The following ST7 variants were observed in gnomAD, a reference collection of about 807,000 sequenced individuals.
The protein encoded by ST7 is suppression of tumorigenicity 7, also known as suppressor of tumorigenicity 7 protein.
Under a neutral mutation model 78.7 loss-of-function variants are expected in ST7, and 28 were observed. The ratio of observed to expected loss-of-function variants is 0.36; its 90% CI spans 0.26 to 0.49. ST7 has a LOEUF of 0.49. Among genes scored for constraint, ST7 ranks in the 20% least tolerant of loss-of-function variants. The pLI is 0.99. For synonymous variants in ST7, 247 were observed against 249.6 expected, an observed-to-expected ratio of 0.99 and a Z score of 0.10; for missense variants, 418 against 696.0, an observed-to-expected ratio of 0.60 and a Z score of 4.49.
chr7:117,130,796 G>T, intron 5 of ST7, 190 bp downstream of exon 5: 1 of 457,542 alleles, frequency 2.2e-6, no homozygotes, highest in Non-Finnish European at 3.8e-6. Flanking sequence ...ATGTTGAAAT[G>T]AGTCCCCTCA....
intron 7 of ST7, 116 bp from the exon 8 acceptor site, chr7:117,135,965 C>A: frequency 9.6e-7 from 1 of 1,039,688 alleles, no homozygotes; most frequent in Non-Finnish European, 1.4e-6. Flanking sequence ...GTGCATGAAC[C>A]AGTTGGCCAC....
intron 9 of ST7, among the ~76,000 whole-genome samples, chr7:117,152,095 G>A (rs1806290308): frequency 6.9e-6 from 1 of 144,190 alleles, no homozygotes; most frequent in African/African-American, 2.6e-5. Context: ...CTCCAGCCTG[G>A]GTGACAGAGT....
chr7:116,964,799 A>G lies in ST7; in HGVS notation c.151+11108A>G, dbSNP rs951125245. Among the ~76,000 whole-genome samples the G allele has an allele frequency of 5.9e-5, 9 of 152,326 alleles. No homozygotes were observed. In the South Asian group the frequency reaches 1.0e-3, roughly 18 times the overall value. Reference sequence around the variant, plus strand: ...TGAAATATTAGAAATTTGCTGCCCAATCGTTCTTTCCCCAAACTGGAAGTT... The same window carrying G: ...TGAAATATTAGAAATTTGCTGCCCAGTCGTTCTTTCCCCAAACTGGAAGTT... On this transcript the variant is annotated intron_variant, in intron 1 of 15. Coordinates refer to ENST00000323984, the MANE Select transcript of ST7 (RefSeq NM_001369598.1).
At chr7:117,182,993 T>C (rs1471021080) in intron 10 of ST7, among the ~76,000 whole-genome samples, 1 of 152,136 alleles carries the variant, frequency 6.6e-6, no homozygotes, top group African/African-American at 2.4e-5. Flanking sequence ...AGATAAGGAT[T>C]TGTGGAGAGA....
At chr7:117,194,547 T>C (rs770540758) in intron 12 of ST7, among the ~76,000 whole-genome samples, 2 of 152,210 alleles carry the variant, frequency 1.3e-5, no homozygotes, top group Non-Finnish European at 2.9e-5. Flanking sequence ...TTAATGATGC[T>C]GGTGATTTTC....
chr7:117,029,058 G>A (rs1796342539), intron 1 of ST7, among the ~76,000 whole-genome samples: 1 of 152,042 alleles, frequency 6.6e-6, no homozygotes, highest in Non-Finnish European at 1.5e-5. Flanking sequence ...TAAATATATA[G>A]CTATAAATAT....
intron 1 of ST7, among the ~76,000 whole-genome samples, chr7:117,097,804 A>G (rs1801168844): frequency 7.5e-6 from 1 of 133,832 alleles, no homozygotes; most frequent in African/African-American, 2.8e-5. Flanking sequence ...AAACTGTTGC[A>G]TGGGAAATGA....
intron 6 of ST7, among the ~76,000 whole-genome samples, chr7:117,132,583 G>C (rs772079261): frequency 2.6e-5 from 4 of 151,388 alleles, no homozygotes; most frequent in Non-Finnish European, 5.9e-5. Flanking sequence ...TCTGGTGCTT[G>C]AATCACCTCA....
intron 1 of ST7, among the ~76,000 whole-genome samples, chr7:117,093,625 C>A (rs936044172): frequency 2.0e-5 from 3 of 152,000 alleles, no homozygotes; most frequent in Admixed American, 2.0e-4. Flanking sequence ...CACTTGAACC[C>A]GGGAGGCGGA....
chr7:116,971,046 C>T (rs866495824), intron 1 of ST7, among the ~76,000 whole-genome samples: 6 of 152,116 alleles, frequency 3.9e-5, no homozygotes, highest in Non-Finnish European at 7.3e-5. Context: ...GCAGGATGTA[C>T]ACCTAACAGA....
intron 1 of ST7, among the ~76,000 whole-genome samples, chr7:117,021,444 T>A (rs1795909622): frequency 6.6e-6 from 1 of 152,250 alleles, no homozygotes; most frequent in African/African-American, 2.4e-5. Flanking sequence ...TTCTAAGAGA[T>A]AAGAATTTCT....
intron 13 of ST7, among the ~76,000 whole-genome samples, chr7:117,213,894 C>T (rs1364130223): frequency 2.0e-5 from 3 of 152,174 alleles, no homozygotes; most frequent in African/African-American, 7.2e-5. Flanking sequence ...CATACATGCA[C>T]CACTGGAAGT....
chr7:117,136,528 T>C, intron 8 of ST7: 2 of 549,550 alleles, frequency 3.6e-6, no homozygotes, highest in East Asian at 3.0e-5. Context: ...AGTTCTTACA[T>C]ATTTCTGTTC....
chr7:117,032,908 C>T (rs1796677085), intron 1 of ST7, among the ~76,000 whole-genome samples: 1 of 152,186 alleles, frequency 6.6e-6, no homozygotes, highest in Admixed American at 6.5e-5. Flanking sequence ...CAGGCCTACT[C>T]TGTTAGTTAT....
intron 1 of ST7, among the ~76,000 whole-genome samples, chr7:117,070,310 A>G (rs117165711): frequency 6.6e-6 from 1 of 152,202 alleles, no homozygotes; most frequent in Non-Finnish European, 1.5e-5. Context: ...CTTCAGGCCC[A>G]TTTCTCATCT....
At chr7:117,124,614 T>G (rs886526640) in intron 3 of ST7, among the ~76,000 whole-genome samples, 4 of 152,174 alleles carry the variant, frequency 2.6e-5, no homozygotes, top group African/African-American at 9.6e-5. Flanking sequence ...TAGGAACAGT[T>G]CAGTGGCAGG....
intron 9 of ST7, among the ~76,000 whole-genome samples, chr7:117,170,246 A>G (rs1807886400): frequency 6.6e-6 from 1 of 152,098 alleles, no homozygotes; most frequent in Admixed American, 6.6e-5. Flanking sequence ...TTCAACTTTT[A>G]TGAAAACCTG....
intron 1 of ST7, among the ~76,000 whole-genome samples, chr7:117,031,557 T>C (rs201522638): frequency 0.9 from 1,918 of 2,132 alleles, 940 homozygotes; most frequent in Middle Eastern, 1. Flanking sequence ...TGCATATATA[T>C]GCATATATGT....
intron 2 of ST7, among the ~76,000 whole-genome samples, chr7:117,107,342 A>G (rs1802059005): frequency 6.6e-6 from 1 of 152,148 alleles, no homozygotes; most frequent in Non-Finnish European, 1.5e-5. Flanking sequence ...AGGAATCTCC[A>G]GTGTTTTCCA....
Sources: gnomAD v4.1 joint callset for allele counts (sites outside exome capture counted in the v4.1 genomes callset) on GRCh38, gnomAD v4.1.1 for gene constraint, MANE v1.5 for transcripts, NCBI Gene and HGNC (gene_info 2026-07-23, HGNC 2026-07-21) for gene names.